Variants in PTPRD observed in about 807,000 individuals in gnomAD.
PTPRD encodes protein tyrosine phosphatase receptor type D, also known as receptor-type tyrosine-protein phosphatase delta.
PTPRD carries 34 observed loss-of-function variants against 214.5 expected under a neutral mutation model. The ratio of observed to expected loss-of-function variants is 0.16; its 90% CI spans 0.12 to 0.21. The LOEUF (loss-of-function observed/expected upper bound fraction) is 0.21, where lower values mean the gene tolerates loss of function less well. PTPRD is among the 10% of genes least tolerant of loss of function. The pLI, the probability that PTPRD is intolerant of heterozygous loss-of-function variation, is 1.00. For missense variants in PTPRD, 2,545 were observed against 2,398.7 expected (o/e 1.06, Z -1.27); for synonymous variants, 1,128 against 845.7 (o/e 1.33, Z -5.79).
At chr9:10,499,804 T>C (rs1246841916) in intron 2 of PTPRD, among the ~76,000 whole-genome samples, 3 of 151,940 alleles carry the variant, frequency 2.0e-5, no homozygotes, top group African/African-American at 7.2e-5. Context: ...AACTTTTTCA[T>C]AATATTTATT....
rs60130998 is a variant in PTPRD, at chr9:9,675,537, C to G, written c.-287+58996G>C. ...TAAAAGAGACTACAAATACTTAGTA[C>G]TGCATTTTTATAGGACAGTCATATA... On this transcript the variant is annotated intron_variant, in intron 7 of 45. Coordinates refer to ENST00000381196, the MANE Select transcript of PTPRD (RefSeq NM_002839.4). Among the ~76,000 whole-genome samples, 793 of 151,816 alleles carry G rather than the reference C, an allele frequency of 5.2e-3. 6 individuals carry two copies. The highest frequency in any genetic ancestry group is 0.018 in the African/African-American group (752 of 41,486).
chr9:9,988,747 G>C (rs999305373), intron 4 of PTPRD, among the ~76,000 whole-genome samples: 1 of 151,894 alleles, frequency 6.6e-6, no homozygotes, highest in Admixed American at 6.6e-5. Flanking sequence ...ACTCTAAAAA[G>C]TGTATTAAGT....
rs777824638 is a variant in PTPRD, at chr9:8,341,218, A to G, written c.4998T>C (p.Leu1666=). ...AHTSRFISAN[L]PCNKFKNRLV... is the part of the protein sequence containing the mutation. ...GGCGATTTTTGAATTTATTACATGG[A>G]AGATTGGCACTGATAAACCTTGAGG... Residue 1666 remains leucine, a synonymous_variant, in exon 41 of 46, where the codon CTT becomes CTC. Coordinates refer to ENST00000381196, the MANE Select transcript of PTPRD (RefSeq NM_002839.4). 6 of 1,612,878 alleles carry G rather than the reference A, an allele frequency of 3.7e-6. No homozygotes were observed. The highest frequency in any genetic ancestry group is 4.2e-6 in the Non-Finnish European group (5 of 1,179,404).
rs554947183 is a variant in PTPRD at position 9,612,872 on chromosome 9, T to G, written c.-286-38091A>C. 3.9e-5 allele frequency among the ~76,000 whole-genome samples: 6 copies of G among 152,146 alleles called. No individual in the cohort carries two copies. The East Asian group carries it at 1.2e-3, about 29-fold the overall frequency. On this transcript the variant is annotated intron_variant, in intron 7 of 45. Coordinates refer to ENST00000381196, the MANE Select transcript of PTPRD (RefSeq NM_002839.4). ...TTCATCTATTTTTAAGAACATATTT[T>G]GTTTAAATATAGTTTTGAAAAACAA...
chr9:9,097,671 A>T (rs753996219), intron 10 of PTPRD, among the ~76,000 whole-genome samples: 1 of 151,918 alleles, frequency 6.6e-6, no homozygotes, highest in Non-Finnish European at 1.5e-5. Flanking sequence ...CGGCCTCCCA[A>T]AGTGCTAGGA....
chr9:10,257,971 A>G (rs911207690), intron 3 of PTPRD, among the ~76,000 whole-genome samples: 11 of 152,118 alleles, frequency 7.2e-5, no homozygotes, highest in Non-Finnish European at 1.3e-4. Context: ...AAAACAAAAT[A>G]AAGGAAGGGA....
chr9:10,005,456 T>C (rs556473737), intron 4 of PTPRD, among the ~76,000 whole-genome samples: 1 of 152,256 alleles, frequency 6.6e-6, no homozygotes, highest in South Asian at 2.1e-4. Context: ...CCTGGACAAG[T>C]AGCAGAACAT....
chr9:8,611,820 AGAG>A (rs1475143052), intron 14 of PTPRD, among the ~76,000 whole-genome samples: 1 of 150,830 alleles, frequency 6.6e-6, no homozygotes, highest in East Asian at 2.0e-4. Context: ...AGAGGAGAAG[AGAG>A]GAGGAGAAGG....
chr9:9,753,368 G>T (rs192520560), intron 6 of PTPRD, among the ~76,000 whole-genome samples: 1 of 151,928 alleles, frequency 6.6e-6, no homozygotes, highest in Non-Finnish European at 1.5e-5. Flanking sequence ...AGCTGGACCC[G>T]CCAGAGCTGG....
intron 2 of PTPRD, among the ~76,000 whole-genome samples, chr9:10,595,557 CACAGAT>C (rs1382932406): frequency 6.6e-6 from 1 of 151,646 alleles, no homozygotes; most frequent in East Asian, 2.0e-4. Context: ...CATTTTGCTA[CACAGAT>C]ACAGAGTCAC....
At chr9:10,314,441 C>G (rs1379691266) in intron 3 of PTPRD, among the ~76,000 whole-genome samples, 2 of 151,798 alleles carry the variant, frequency 1.3e-5, no homozygotes, top group African/African-American at 4.8e-5. Context: ...AACAAGTAAA[C>G]AAATAAGAAT....
intron 5 of PTPRD, among the ~76,000 whole-genome samples, chr9:9,866,872 A>G (rs1461797570): frequency 6.6e-6 from 1 of 152,166 alleles, no homozygotes. Context: ...AGTGTTTCAA[A>G]TGTATCTAGA....
chr9:10,134,517 A>G (rs557256176), intron 3 of PTPRD, among the ~76,000 whole-genome samples: 54 of 152,154 alleles, frequency 3.5e-4, no homozygotes, highest in Non-Finnish European at 6.6e-4. Context: ...ACTGAGTTGC[A>G]GCCTGATTTA....
intron 5 of PTPRD, among the ~76,000 whole-genome samples, chr9:9,903,135 C>G (rs2076786208): frequency 6.6e-6 from 1 of 152,070 alleles, no homozygotes; most frequent in South Asian, 2.1e-4. Flanking sequence ...AAAGAAACAG[C>G]TAATTTGTTG....
At chr9:10,111,219 A>AGTTTAGT (rs2098688160) in intron 3 of PTPRD, among the ~76,000 whole-genome samples, 1 of 140,424 alleles carries the variant, frequency 7.1e-6, no homozygotes, top group African/African-American at 2.7e-5. Context: ...GTGTGCTTCC[A>AGTTTAGT]GTTTAGTTTC....
intron 2 of PTPRD, among the ~76,000 whole-genome samples, chr9:10,461,501 C>T (rs1482393281): frequency 1.3e-5 from 2 of 151,816 alleles, no homozygotes; most frequent in African/African-American, 4.8e-5. Context: ...ATTATTCAGC[C>T]TTTTGCAAAG....
chr9:8,681,374 G>C (rs1470537482), intron 12 of PTPRD, among the ~76,000 whole-genome samples: 1 of 152,156 alleles, frequency 6.6e-6, no homozygotes, highest in Non-Finnish European at 1.5e-5. Flanking sequence ...AAGAAAAAGA[G>C]AGGGCATAGA....
chr9:8,550,162 G>A (rs551882236), intron 14 of PTPRD, among the ~76,000 whole-genome samples: 1 of 152,056 alleles, frequency 6.6e-6, no homozygotes, highest in African/African-American at 2.4e-5. Flanking sequence ...AAAACAAAAA[G>A]TTGTTTTTCA....
chr9:10,162,095 G>C (rs1005470503), intron 3 of PTPRD, among the ~76,000 whole-genome samples: 1 of 151,470 alleles, frequency 6.6e-6, no homozygotes, highest in Non-Finnish European at 1.5e-5. Flanking sequence ...TATTGGTGCA[G>C]GTACAAATTA....
Sources: gnomAD v4.1 joint callset for allele counts (sites outside exome capture counted in the v4.1 genomes callset) on GRCh38, gnomAD v4.1.1 for gene constraint, MANE v1.5 for transcripts, NCBI Gene and HGNC (gene_info 2026-07-23, HGNC 2026-07-21) for gene names.